The following CDS1 variants were observed in gnomAD, a reference collection of about 807,000 sequenced individuals.
The protein encoded by CDS1 is CDP-diacylglycerol synthase 1.
A neutral mutation model predicts 62.1 loss-of-function variants in CDS1; 41 were observed. The observed-to-expected ratio is 0.66, with a 90% CI of 0.51 to 0.86. The LOEUF (loss-of-function observed/expected upper bound fraction) is 0.86. Ranked by LOEUF, CDS1 falls within the 40% of genes least tolerant of loss-of-function variation. The pLI is 0.00. For synonymous variants in CDS1, 185 were observed against 192.6 expected (o/e 0.96, Z 0.32); for missense variants, 470 against 550.1 (o/e 0.85, Z 1.46).
At position 84,583,244 on chromosome 4, in the gene CDS1, G is replaced by T. The variant is rs573308631; in HGVS notation, c.-158G>T. On this transcript the variant is annotated 5_prime_UTR_variant, in exon 1 of 13. Transcript: ENST00000295887. The stretch of plus-strand genomic sequence containing the variant: ...ATGCCGTTTTGGAGGTGACCGGCGC[G>T]GCGGCCGCTCTATGGTGGGGCCGCG... 168 of 548,698 alleles carry T rather than the reference G, an allele frequency of 3.1e-4. 2 individuals are homozygous for T. Among genetic ancestry groups the T allele is most frequent in the African/African-American group, 3.0e-3 (150 of 49,374 alleles). The allele number at this position is 548,698 out of a possible 1,614,324, so 34.0% of individuals were successfully genotyped here.
At chr4:84,616,709 G>T (rs1723506184) in intron 3 of CDS1, among the ~76,000 whole-genome samples, 3 of 152,182 alleles carry the variant, frequency 2.0e-5, no homozygotes, top group Admixed American at 6.5e-5. Context: ...GATAATAAGT[G>T]TTCAACTTGC....
Position 84,650,265 on chromosome 4 carries a change from T to C in CDS1, c.*1579T>C, listed in dbSNP as rs1199803746. 6.6e-6 allele frequency: 1 copy of C among 152,180 alleles called. No homozygotes were observed. The highest frequency in any genetic ancestry group is 6.5e-5 in the Admixed American group (1 of 15,284). The allele number at this position is 152,180 out of a possible 1,614,324, so 9.4% of individuals were successfully genotyped here. ...CACTCGGTACCAAGAGTCCATTTTA[T>C]GGTCCAGCATATACTCCATTGATTC... is the stretch of plus-strand genomic sequence containing the variant. On this transcript the variant is annotated 3_prime_UTR_variant, in exon 13 of 13. Transcript: ENST00000295887.
intron 12 of CDS1, among the ~76,000 whole-genome samples, chr4:84,646,230 A>G (rs1724554259): frequency 6.6e-6 from 1 of 152,212 alleles, no homozygotes; most frequent in African/African-American, 2.4e-5. Flanking sequence ...TTTGAGAGAC[A>G]GTCCTGATAG....
chr4:84,625,681 G>A (rs931159603), intron 5 of CDS1, among the ~76,000 whole-genome samples: 1 of 151,912 alleles, frequency 6.6e-6, no homozygotes, highest in African/African-American at 2.4e-5. Flanking sequence ...CATGGGAAAG[G>A]TTTGGACTTT....
intron 7 of CDS1, among the ~76,000 whole-genome samples, chr4:84,634,268 A>G (rs889513268): frequency 1.3e-5 from 2 of 152,132 alleles, no homozygotes; most frequent in Non-Finnish European, 2.9e-5. Context: ...TTAAGATATT[A>G]TTTACATAGA....
chr4:84,602,713 T>C (rs930406240), intron 1 of CDS1, among the ~76,000 whole-genome samples: 31 of 152,066 alleles, frequency 2.0e-4, no homozygotes, highest in Non-Finnish European at 3.8e-4. Context: ...AAAAAACTGA[T>C]GTGTTTCCCT....
chr4:84,618,217 C>T (rs115873253), intron 4 of CDS1, among the ~76,000 whole-genome samples: 1 of 151,998 alleles, frequency 6.6e-6, no homozygotes, highest in Non-Finnish European at 1.5e-5. Context: ...ACCCAAGTGG[C>T]CATCCTTTTT....
chr4:84,640,490 T>A (rs1207695820), intron 9 of CDS1, among the ~76,000 whole-genome samples: 2 of 152,144 alleles, frequency 1.3e-5, no homozygotes, highest in South Asian at 2.1e-4. Context: ...ACTATTTTAT[T>A]GTAATTTTGA....
intron 3 of CDS1, among the ~76,000 whole-genome samples, chr4:84,611,458 T>C (rs1055976075): frequency 6.6e-6 from 1 of 152,170 alleles, no homozygotes; most frequent in Non-Finnish European, 1.5e-5. Context: ...TTCAATTCTA[T>C]TCATAGCTCA....
chr4:84,607,873 A>G (rs1185203392), intron 2 of CDS1, among the ~76,000 whole-genome samples: 1 of 152,268 alleles, frequency 6.6e-6, no homozygotes, highest in Non-Finnish European at 1.5e-5. Flanking sequence ...AAAGTCCTAA[A>G]GAAAAACAGC....
At chr4:84,620,041 A>G (rs1482665559) in intron 5 of CDS1, among the ~76,000 whole-genome samples, 12 of 144,382 alleles carry the variant, frequency 8.3e-5, no homozygotes, top group South Asian at 2.2e-4. Flanking sequence ...AAAAAAAAAA[A>G]GAAAGAATCA....
At chr4:84,625,058 A>G (rs1296564426) in intron 5 of CDS1, among the ~76,000 whole-genome samples, 1 of 151,974 alleles carries the variant, frequency 6.6e-6, no homozygotes, top group Non-Finnish European at 1.5e-5. Context: ...ATGGAGTTTC[A>G]CTATGTTGCT....
chr4:84,615,725 C>G (rs1373537860), intron 3 of CDS1, among the ~76,000 whole-genome samples: 2 of 152,160 alleles, frequency 1.3e-5, no homozygotes, highest in Non-Finnish European at 2.9e-5. Flanking sequence ...TCCTCAGTAA[C>G]TAGTAAAGAG....
chr4:84,648,514 A>G (rs370260321), intron 12 of CDS1, 43 bp from the exon 13 acceptor site: 3 of 1,599,316 alleles, frequency 1.9e-6, no homozygotes, highest in Non-Finnish European at 2.6e-6. Context: ...ACTTATCCCT[A>G]TTAAAATAAC....
chr4:84,645,407 T>C (rs1384573746), intron 12 of CDS1, 82 bp downstream of exon 12: 13 of 823,340 alleles, frequency 1.6e-5, no homozygotes, highest in Non-Finnish European at 2.5e-5. Context: ...AAGTTAACTT[T>C]TTCCGTCAAT....
At chr4:84,631,940 C>A in intron 6 of CDS1, 63 bp downstream of exon 6, 2 of 1,087,232 alleles carry the variant, frequency 1.8e-6, no homozygotes, top group Non-Finnish European at 1.4e-6. Flanking sequence ...TTTTTTTTTT[C>A]TGTAGTGAGA....
At chr4:84,630,358 TG>T (rs1489463954) in intron 5 of CDS1, among the ~76,000 whole-genome samples, 1 of 152,156 alleles carries the variant, frequency 6.6e-6, no homozygotes, top group Non-Finnish European at 1.5e-5. Context: ...GCCAGTTAGT[TG>T]GATTACCTCA....
chr4:84,621,429 GTTCC>G (rs563009064), intron 5 of CDS1, among the ~76,000 whole-genome samples: 70 of 152,086 alleles, frequency 4.6e-4, no homozygotes, highest in Non-Finnish European at 7.6e-4. Flanking sequence ...AGCTCCTTCA[GTTCC>G]TAGGCCTTCT....
intron 1 of CDS1, among the ~76,000 whole-genome samples, chr4:84,596,161 G>A (rs1722741951): frequency 6.6e-6 from 1 of 152,150 alleles, no homozygotes; most frequent in African/African-American, 2.4e-5. Flanking sequence ...GAGACTGCTG[G>A]GTGAACAGGC....
Sources: allele counts gnomAD v4.1 joint callset (sites outside exome capture counted in the v4.1 genomes callset), GRCh38; gene constraint gnomAD v4.1.1; transcripts MANE v1.5; gene names NCBI Gene and HGNC (gene_info 2026-07-23, HGNC 2026-07-21).